ITIH2: variants seen among roughly 807,000 people sequenced by gnomAD.
ITIH2 encodes inter-alpha-trypsin inhibitor heavy chain 2.
ITIH2 carries 103 observed loss-of-function variants against 104.4 expected under a neutral mutation model. That is an observed-to-expected ratio of 0.99 (90% CI 0.84 to 1.16). The LOEUF is 1.16. ITIH2 is among the 50% of genes most tolerant of loss of function. ITIH2 has a pLI of 0.00. For missense variants in ITIH2, 1,108 were observed against 1,162.4 expected (o/e 0.95, Z 0.68); for synonymous variants, 436 against 435.4 (o/e 1.00, Z -0.02).
intron 1 of ITIH2, among the ~76,000 whole-genome samples, chr10:7,704,524 C>A (rs1045520224): frequency 2.0e-5 from 3 of 152,132 alleles, no homozygotes; most frequent in African/African-American, 7.2e-5. Flanking sequence ...CAGGGTCTAC[C>A]CAGATACTTC....
chr10:7,717,143 G>T (rs981406785), intron 5 of ITIH2, among the ~76,000 whole-genome samples: 1 of 151,864 alleles, frequency 6.6e-6, no homozygotes, highest in Admixed American at 6.6e-5. Context: ...TAGTAGAGAC[G>T]GGGTTTCACC....
intron 14 of ITIH2, 144 bp downstream of exon 14, chr10:7,732,621 C>A: frequency 1.3e-6 from 1 of 758,700 alleles, no homozygotes; most frequent in South Asian, 2.4e-5. Context: ...TCCACTAGTT[C>A]TGAACACTTC....
At chr10:7,715,545 G>C (rs777448193) in intron 5 of ITIH2, among the ~76,000 whole-genome samples, 1 of 152,072 alleles carries the variant, frequency 6.6e-6, no homozygotes, top group Non-Finnish European at 1.5e-5. Flanking sequence ...CTGGAGATAC[G>C]GCAGGGAACG....
At chr10:7,723,234 G>A (rs1031957849) in intron 8 of ITIH2, among the ~76,000 whole-genome samples, 2 of 151,988 alleles carry the variant, frequency 1.3e-5, no homozygotes, top group Non-Finnish European at 2.9e-5. Flanking sequence ...GTGAAGCAGC[G>A]TGGAGTGGAG....
rs867019065 is a variant in ITIH2 at position 7,707,233 on chromosome 10, G to A, written c.192G>A (p.Met64Ile). The A allele has an allele frequency of 3.8e-6, 6 of 1,598,632 alleles. No individual in the cohort carries two copies. The highest frequency in any genetic ancestry group is 5.1e-6 in the Non-Finnish European group (6 of 1,167,878). ...TTCCAGGAGAATCGGAAGAAATGAT[G>A]GTAAGTTGACTTGATGTTGTTACAG... is the stretch of plus-strand genomic sequence containing the variant. ...RSLPGESEEM[M>I]EEVDQVTLYS... The change falls in exon 3 of 21, where the codon ATG (methionine) becomes ATA (isoleucine). Residue 64 changes from methionine to isoleucine, a missense_variant and splice_region_variant. Physicochemically the swap from Met to Ile is conservative, Grantham distance 10. Coordinates refer to ENST00000358415, the MANE Select transcript of ITIH2 (RefSeq NM_002216.3).
At position 7,727,035 on chromosome 10, in the gene ITIH2, C is replaced by T; in HGVS notation, c.1070C>T (p.Thr357Ile). ...SVIDFNQNIR[T>I]WRNDLISATK... Reference sequence around the variant, plus strand: ...ATTGATTTCAACCAGAACATTCGAACTTGGAGAAATGATTTAATTTCAGCT... The same window carrying T: ...ATTGATTTCAACCAGAACATTCGAATTTGGAGAAATGATTTAATTTCAGCT... Residue 357 changes from threonine to isoleucine, a missense_variant, in exon 10 of 21, where the codon ACT becomes ATT. Transcript: ENST00000358415. 3 of 1,614,052 alleles carry T rather than the reference C, an allele frequency of 1.9e-6. No homozygotes were observed. Among genetic ancestry groups the T allele is most frequent in the East Asian group, 2.2e-5 (1 of 44,872 alleles).
intron 20 of ITIH2, 105 bp downstream of exon 20, chr10:7,746,809 A>G: frequency 2.9e-6 from 2 of 696,710 alleles, no homozygotes; most frequent in South Asian, 3.3e-5. Context: ...CACTACCTAC[A>G]TCACACTAAG....
chr10:7,744,925 C>G lies in ITIH2; in HGVS notation c.2543C>G (p.Pro848Arg). ...NVDFLGIYIP[P>R]TNKFSPKAHG... Reference sequence around the variant, plus strand: ...GACTTTCTGGGAATCTACATACCCCCTACAAACAAGTTCTCACCTAAAGCC... The same window carrying G: ...GACTTTCTGGGAATCTACATACCCCGTACAAACAAGTTCTCACCTAAAGCC... The change falls in exon 19 of 21, where the codon CCT (proline) becomes CGT (arginine). Residue 848 changes from proline to arginine, a missense_variant. Transcript: ENST00000358415. 3.1e-6 allele frequency: 5 copies of G among 1,614,110 alleles called. No individual in the cohort carries two copies. The highest frequency in any genetic ancestry group is 4.2e-6 in the Non-Finnish European group (5 of 1,179,998).
chr10:7,733,017 G>A (rs1396084036), intron 14 of ITIH2, among the ~76,000 whole-genome samples: 1 of 151,998 alleles, frequency 6.6e-6, no homozygotes, highest in Non-Finnish European at 1.5e-5. Flanking sequence ...ATGAGCCACC[G>A]CACCCGGCCA....
chr10:7,718,725 G>T lies in ITIH2; in HGVS notation c.630+937G>T, dbSNP rs566460138. Among the ~76,000 whole-genome samples, 174 of 152,044 alleles carry T rather than the reference G, an allele frequency of 1.1e-3. 1 individual carries two copies. The highest frequency in any genetic ancestry group is 4.1e-3 in the African/African-American group (168 of 41,442). On this transcript the variant is annotated intron_variant, in intron 6 of 20. Transcript: ENST00000358415. ...CCTGGTGTCAACTGTTCCTTTCTTTGTGTCCATGTGTACTCAATGTTTAGC... is the reference window on the plus strand; with the variant it reads ...CCTGGTGTCAACTGTTCCTTTCTTTTTGTCCATGTGTACTCAATGTTTAGC...
At chr10:7,718,817 G>A (rs1005014296) in intron 6 of ITIH2, among the ~76,000 whole-genome samples, 4 of 152,162 alleles carry the variant, frequency 2.6e-5, no homozygotes, top group African/African-American at 9.7e-5. Context: ...CCAATGACAG[G>A]AGCTTGATGA....
intron 6 of ITIH2, among the ~76,000 whole-genome samples, 175 bp downstream of exon 6, chr10:7,717,963 T>C (rs6602267): frequency 0.29 from 44,462 of 151,992 alleles, 8,014 homozygotes; most frequent in African/African-American, 0.52. Context: ...CACTTCCTTA[T>C]GGCTCTCGGT....
At chr10:7,737,667 A>ATAGAATATTCTATATTATATTCTATATTC (rs1835073738) in intron 15 of ITIH2, among the ~76,000 whole-genome samples, 1 of 13,448 alleles carries the variant, frequency 7.4e-5, no homozygotes, top group Non-Finnish European at 1.5e-4. Flanking sequence ...ATTCTATATT[A>ATAGAATATTCTATATTATATTCTATATTC]TATTCTATAT....
intron 19 of ITIH2, 90 bp downstream of exon 19, chr10:7,745,053 G>A: frequency 1.7e-6 from 2 of 1,169,470 alleles, no homozygotes; most frequent in Non-Finnish European, 2.5e-6. Flanking sequence ...TGAGGACATG[G>A]CAGGTGTGGA....
chr10:7,729,267 C>T (rs1163425279), intron 11 of ITIH2, among the ~76,000 whole-genome samples: 2 of 151,886 alleles, frequency 1.3e-5, no homozygotes, highest in Non-Finnish European at 2.9e-5. Flanking sequence ...GAGCTGAGAT[C>T]GTGCCACTGC....
chr10:7,708,882 T>A (rs1834770784), intron 3 of ITIH2, 140 bp from the exon 4 acceptor site: 3 of 727,080 alleles, frequency 4.1e-6, no homozygotes, highest in Non-Finnish European at 7.1e-6. Context: ...ATACATGAAT[T>A]CTGTCCTTAC....
At chr10:7,741,327 C>T (rs533482486) in intron 16 of ITIH2, among the ~76,000 whole-genome samples, 6 of 151,936 alleles carry the variant, frequency 3.9e-5, no homozygotes, top group Non-Finnish European at 7.4e-5. Flanking sequence ...TACTGGTGCC[C>T]GCCACCACAC....
chr10:7,720,472 A>G (rs901225996), intron 6 of ITIH2, among the ~76,000 whole-genome samples: 6 of 152,238 alleles, frequency 3.9e-5, no homozygotes, highest in Admixed American at 2.6e-4. Context: ...ATTTGGGGAA[A>G]ATGGTCTACT....
intron 2 of ITIH2, among the ~76,000 whole-genome samples, chr10:7,705,682 C>T (rs995661652): frequency 9.9e-5 from 14 of 141,516 alleles, no homozygotes; most frequent in African/African-American, 2.4e-4. Context: ...CAGAGGGAGA[C>T]GCTGTCCCCA....
Sources: allele counts gnomAD v4.1 joint callset (sites outside exome capture counted in the v4.1 genomes callset), GRCh38; gene constraint gnomAD v4.1.1; transcripts MANE v1.5; gene names NCBI Gene and HGNC (gene_info 2026-07-23, HGNC 2026-07-21).